Variants in RAB11FIP3 observed in about 807,000 individuals in gnomAD.
The protein encoded by RAB11FIP3 is rab11 family-interacting protein 3.
In RAB11FIP3, 17 loss-of-function variants were observed where a neutral mutation model predicts 77.8. The observed-to-expected ratio is 0.22, with a 90% CI of 0.15 to 0.33. The LOEUF (loss-of-function observed/expected upper bound fraction) is 0.33, where lower values mean the gene tolerates loss of function less well. Among genes scored for constraint, RAB11FIP3 ranks in the 10% least tolerant of loss-of-function variants. The pLI, the probability that RAB11FIP3 is intolerant of heterozygous loss-of-function variation, is 1.00. For synonymous variants in RAB11FIP3, 437 were observed against 448.2 expected (o/e 0.98, Z 0.31); for missense variants, 1,005 against 1,011.2 (o/e 0.99, Z 0.08).
chr16:442,333 C>G (rs563155002), intron 1 of RAB11FIP3, among the ~76,000 whole-genome samples: 15 of 152,352 alleles, frequency 9.8e-5, no homozygotes, highest in African/African-American at 3.6e-4. Flanking sequence ...AATGGGGTTG[C>G]TATTCCCATG....
Position 461,732 on chromosome 16 carries a change from A to G in RAB11FIP3, c.808+235A>G, listed in dbSNP as rs891703171. ...CTACTTTTCCATAATGCTAGAAAGC[A>G]ACTGCCCCCTTCCTCAAAGATTTCA... is the stretch of plus-strand genomic sequence containing the variant. On this transcript the variant is annotated intron_variant, in intron 2 of 13. Transcript: ENST00000262305. The surrounding 1 kb of genome is among the most constrained non-coding windows in gnomAD (Gnocchi z 4.5). Among the ~76,000 whole-genome samples the G allele has an allele frequency of 6.6e-6, 1 of 152,192 alleles. No individual in the cohort carries two copies. Among genetic ancestry groups the G allele is most frequent in the Non-Finnish European group, 1.5e-5 (1 of 68,026 alleles).
At chr16:488,479 G>A (rs1259205531) in intron 4 of RAB11FIP3, among the ~76,000 whole-genome samples, 2 of 152,012 alleles carry the variant, frequency 1.3e-5, no homozygotes, top group East Asian at 3.9e-4. Context: ...CATCATCACT[G>A]CTCACTGCAG....
intron 6 of RAB11FIP3, among the ~76,000 whole-genome samples, chr16:497,661 G>T (rs983381867): frequency 2.0e-5 from 3 of 152,124 alleles, no homozygotes; most frequent in African/African-American, 7.2e-5. Context: ...TTTGTTTCGG[G>T]GGTTGGATCC....
chr16:487,944 AC>A (rs2056191336), intron 4 of RAB11FIP3, among the ~76,000 whole-genome samples: 3 of 152,098 alleles, frequency 2.0e-5, no homozygotes, highest in South Asian at 4.1e-4. Flanking sequence ...AGGTGCTTGA[AC>A]CCAGATGCTG....
At chr16:469,814 C>T (rs1319398135) in intron 2 of RAB11FIP3, among the ~76,000 whole-genome samples, 1 of 151,008 alleles carries the variant, frequency 6.6e-6, no homozygotes, top group Non-Finnish European at 1.5e-5. Flanking sequence ...TGTGAGCCAC[C>T]ATGCCTGGTC....
chr16:493,951 T>C (rs374121814), intron 5 of RAB11FIP3, among the ~76,000 whole-genome samples: 12 of 138,212 alleles, frequency 8.7e-5, no homozygotes, highest in South Asian at 8.0e-4. Context: ...TCACCCAGGC[T>C]GGAGTGCGGT....
At chr16:474,764 CCTGA>C (rs1567378189) in intron 3 of RAB11FIP3, 1 of 1,350,782 alleles carries the variant, frequency 7.4e-7, no homozygotes. Context: ...TGTTTTCAGC[CCTGA>C]CTGACTAACC....
At chr16:508,977 C>T (rs1596295596) in intron 8 of RAB11FIP3, among the ~76,000 whole-genome samples, 1 of 151,126 alleles carries the variant, frequency 6.6e-6, no homozygotes, top group African/African-American at 2.4e-5. Flanking sequence ...GATCTCTGCT[C>T]AGTGCAACCT....
chr16:468,131 C>T (rs2055742948), intron 2 of RAB11FIP3, among the ~76,000 whole-genome samples: 1 of 52,216 alleles, frequency 1.9e-5, no homozygotes, highest in Non-Finnish European at 3.9e-5. Context: ...GGAGGAGGTG[C>T]AGGGGCCTCA....
At chr16:427,721 G>A (rs1300414171) in intron 1 of RAB11FIP3, among the ~76,000 whole-genome samples, 2 of 152,172 alleles carry the variant, frequency 1.3e-5, no homozygotes, top group African/African-American at 4.8e-5. Flanking sequence ...GGGTGTTCAA[G>A]TACATATGCA....
intron 4 of RAB11FIP3, among the ~76,000 whole-genome samples, chr16:488,463 T>C (rs987108981): frequency 1.3e-5 from 2 of 152,088 alleles, no homozygotes; most frequent in Non-Finnish European, 2.9e-5. Context: ...GGCTGGAGTG[T>C]AGTGGCATCA....
chr16:474,249 T>C (rs553533066), intron 3 of RAB11FIP3, among the ~76,000 whole-genome samples: 2 of 152,274 alleles, frequency 1.3e-5, no homozygotes, highest in African/African-American at 2.4e-5. Flanking sequence ...GGTTGATTGA[T>C]TGATATTCTG....
At chr16:488,410 A>G (rs1003528955) in intron 4 of RAB11FIP3, among the ~76,000 whole-genome samples, 1 of 128,426 alleles carries the variant, frequency 7.8e-6, no homozygotes, top group African/African-American at 2.6e-5. Flanking sequence ...AGATTTATTT[A>G]TTTATTTTTT....
At chr16:463,954 C>G (rs1596230959) in intron 2 of RAB11FIP3, among the ~76,000 whole-genome samples, 1 of 152,160 alleles carries the variant, frequency 6.6e-6, no homozygotes, top group East Asian at 1.9e-4. Flanking sequence ...GCAGGCAGCC[C>G]TCTCTGAGGA....
chr16:505,440 G>A lies in RAB11FIP3; in HGVS notation c.1396-84G>A. The A allele has an allele frequency of 9.6e-7, 1 of 1,044,188 alleles. No individual in the cohort carries two copies. Among genetic ancestry groups the A allele is most frequent in the Non-Finnish European group, 1.4e-6 (1 of 721,250 alleles). The allele number at this position is 1,044,188 out of a possible 1,614,324, so 64.7% of individuals were successfully genotyped here. On this transcript the variant is annotated intron_variant, in intron 7 of 13. Coordinates refer to ENST00000262305, the MANE Select transcript of RAB11FIP3 (RefSeq NM_014700.4). The surrounding 1 kb of genome is among the most constrained non-coding windows in gnomAD (Gnocchi z 4.0). ...TGATTCTGTGCTGAGAAAATCCCCA[G>A]GCGGCCTCCCAGGTTGTTCCCTTGG...
chr16:434,406 G>A (rs1399084221), intron 1 of RAB11FIP3, among the ~76,000 whole-genome samples: 2 of 152,034 alleles, frequency 1.3e-5, no homozygotes, highest in Non-Finnish European at 2.9e-5. Context: ...TTACAAGCGT[G>A]AGCCACTGCA....
rs1363577436 is a variant in RAB11FIP3 at position 426,483 on chromosome 16, C to T, written c.477C>T (p.Asp159=). 5 of 1,579,978 alleles carry T rather than the reference C, an allele frequency of 3.2e-6. No homozygotes were observed. Among genetic ancestry groups the T allele is most frequent in the East Asian group, 2.3e-5 (1 of 43,446 alleles). ...SSSHRARGEV[D]VFSPFPAPTA... ...GCCACCGAGCGCGGGGCGAGGTCGACGTCTTCTCTCCCTTCCCCGCGCCCA... is the reference window on the plus strand; with the variant it reads ...GCCACCGAGCGCGGGGCGAGGTCGATGTCTTCTCTCCCTTCCCCGCGCCCA... The change falls in exon 1 of 14, where the codon GAC becomes GAT. Residue 159 remains aspartate, a synonymous_variant. Coordinates refer to ENST00000262305, the MANE Select transcript of RAB11FIP3 (RefSeq NM_014700.4). This position sits in a 1 kb window ranked among gnomAD's most constrained non-coding sequence, Gnocchi z 5.0.
chr16:487,292 A>G (rs913128621), intron 4 of RAB11FIP3, among the ~76,000 whole-genome samples: 1 of 151,726 alleles, frequency 6.6e-6, no homozygotes, highest in African/African-American at 2.4e-5. Flanking sequence ...CACCACCCCC[A>G]GGTAATTTTT....
At chr16:448,605 G>A (rs1412886193) in intron 1 of RAB11FIP3, among the ~76,000 whole-genome samples, 2 of 151,870 alleles carry the variant, frequency 1.3e-5, no homozygotes, top group Admixed American at 6.6e-5. Flanking sequence ...GCATGGTGGC[G>A]GGCGCCTGTA....
Sources: allele counts gnomAD v4.1 joint callset (sites outside exome capture counted in the v4.1 genomes callset), GRCh38; gene constraint gnomAD v4.1.1; non-coding constraint Gnocchi (gnomAD v3.1); transcripts MANE v1.5; gene names NCBI Gene and HGNC (gene_info 2026-07-23, HGNC 2026-07-21).